Variants in EPB41L2 observed in about 807,000 individuals in gnomAD.
EPB41L2 encodes the protein band 4.1-like protein 2.
EPB41L2 carries 43 observed loss-of-function variants against 113.0 expected under a neutral mutation model. That is an observed-to-expected ratio of 0.38 (90% confidence interval 0.30 to 0.49). The LOEUF (loss-of-function observed/expected upper bound fraction) is 0.49, where lower values mean the gene tolerates loss of function less well. EPB41L2 is among the 20% of genes least tolerant of loss of function. The pLI, the probability that EPB41L2 is intolerant of heterozygous loss-of-function variation, is 0.95. For synonymous variants in EPB41L2, 442 were observed against 436.7 expected (o/e 1.01, Z -0.15); for missense variants, 1,147 against 1,223.4 (o/e 0.94, Z 0.93).
Position 131,025,434 on chromosome 6 carries a change from C to T in EPB41L2, c.-15+37721G>A, listed in dbSNP as rs934336997. 5.9e-5 allele frequency among the ~76,000 whole-genome samples: 9 copies of T among 152,196 alleles called. No homozygotes were observed. The South Asian group carries it at 8.3e-4, about 14-fold the overall frequency. ...AACAGATTTGATCGAGATCAGACAGCGATTATTTCATATTACACTGCCCAA... is the reference window on the plus strand; with the variant it reads ...AACAGATTTGATCGAGATCAGACAGTGATTATTTCATATTACACTGCCCAA... On this transcript the variant is annotated intron_variant, in intron 1 of 19. Coordinates refer to ENST00000337057, the MANE Select transcript of EPB41L2 (RefSeq NM_001431.4).
intron 17 of EPB41L2, among the ~76,000 whole-genome samples, chr6:130,864,547 G>C (rs1462614679): frequency 6.6e-6 from 1 of 152,184 alleles, no homozygotes; most frequent in African/African-American, 2.4e-5. Context: ...AGGCTGAGGA[G>C]ATCATCTGGC....
chr6:130,858,607 T>C (rs1191453535), intron 18 of EPB41L2, among the ~76,000 whole-genome samples: 3 of 152,238 alleles, frequency 2.0e-5, no homozygotes, highest in African/African-American at 7.2e-5. Flanking sequence ...ATTTTAAGGT[T>C]TTCTGTGTGA....
At chr6:130,939,495 C>A (rs1810042858) in intron 3 of EPB41L2, among the ~76,000 whole-genome samples, 1 of 152,052 alleles carries the variant, frequency 6.6e-6, no homozygotes, top group African/African-American at 2.4e-5. Context: ...CCTCGTGATC[C>A]GCCCACCTCG....
intron 3 of EPB41L2, among the ~76,000 whole-genome samples, chr6:130,954,050 T>TTC (rs1816450780): frequency 1.0e-5 from 1 of 95,956 alleles, no homozygotes; most frequent in African/African-American, 3.7e-5. Flanking sequence ...CTTTTTTTTT[T>TTC]TTTTTTTTTT....
chr6:130,867,212 T>C (rs544525978), intron 16 of EPB41L2, among the ~76,000 whole-genome samples: 1 of 152,320 alleles, frequency 6.6e-6, no homozygotes, highest in East Asian at 1.9e-4. Flanking sequence ...ACAAGATTGA[T>C]ACTGTCTGTC....
At chr6:131,009,787 G>A (rs1786480462) in intron 1 of EPB41L2, among the ~76,000 whole-genome samples, 1 of 151,922 alleles carries the variant, frequency 6.6e-6, no homozygotes, top group Non-Finnish European at 1.5e-5. Flanking sequence ...CTTTCAGAGA[G>A]TGCTTTTGTT....
intron 1 of EPB41L2, among the ~76,000 whole-genome samples, chr6:131,055,691 C>G (rs995556804): frequency 6.6e-6 from 1 of 152,120 alleles, no homozygotes; most frequent in African/African-American, 2.4e-5. Context: ...TGCCCTTGAG[C>G]CATTTATTCA....
intron 3 of EPB41L2, among the ~76,000 whole-genome samples, chr6:130,954,614 C>A (rs1032410930): frequency 6.6e-6 from 1 of 152,032 alleles, no homozygotes; most frequent in Admixed American, 6.6e-5. Flanking sequence ...GTACTAGATG[C>A]GTTAAAAGAT....
Position 130,869,554 on chromosome 6 carries a change from C to T in EPB41L2, c.2607+9G>A. On this transcript the variant is annotated intron_variant, in intron 15 of 19. Coordinates refer to ENST00000337057, the MANE Select transcript of EPB41L2 (RefSeq NM_001431.4). The stretch of plus-strand genomic sequence containing the variant: ...TAGAGTTTGGCTCCCACCTGGGACT[C>T]CCATTTACCTCTGAACAACAAATAA... 2.5e-6 allele frequency: 4 copies of T among 1,611,762 alleles called. No homozygotes were observed. Among genetic ancestry groups the T allele is most frequent in the Non-Finnish European group, 3.4e-6 (4 of 1,178,584 alleles).
chr6:130,885,386 A>G, intron 11 of EPB41L2, 118 bp from the exon 12 acceptor site: 1 of 881,202 alleles, frequency 1.1e-6, no homozygotes, highest in Non-Finnish European at 1.8e-6. Flanking sequence ...AGGAACAGAG[A>G]CATTGCTTGA....
intron 4 of EPB41L2, among the ~76,000 whole-genome samples, chr6:130,923,974 C>T (rs2128547038): frequency 6.6e-6 from 1 of 152,186 alleles, no homozygotes; most frequent in East Asian, 1.9e-4. Flanking sequence ...TTAAACAATT[C>T]CTCAACTCCC....
chr6:131,059,790 C>T (rs147181673), intron 1 of EPB41L2, among the ~76,000 whole-genome samples: 19 of 152,198 alleles, frequency 1.2e-4, no homozygotes, highest in South Asian at 4.1e-4. Flanking sequence ...TTGCTGACTA[C>T]GAAAGCCAGC....
chr6:130,881,831 C>T (rs760838332), intron 12 of EPB41L2: 15 of 151,908 alleles, frequency 9.9e-5, no homozygotes, highest in Non-Finnish European at 2.1e-4. Context: ...CAGAATAGTA[C>T]CTTCCTTATA....
At position 130,843,678 on chromosome 6, in the gene EPB41L2, T is replaced by C. The variant is rs181478346; in HGVS notation, c.*6-3080A>G. On this transcript the variant is annotated intron_variant, in intron 19 of 19. Transcript: ENST00000337057. The stretch of plus-strand genomic sequence containing the variant: ...CTGTTCTGTTTCCAAGTGTCACTGT[T>C]CCACCCTGGCCTATACAATGTCAGT... Among the ~76,000 whole-genome samples the C allele has an allele frequency of 2.2e-3, 331 of 152,344 alleles. 2 individuals are homozygous for C. Among genetic ancestry groups the C allele is most frequent in the Admixed American group, 5.6e-3 (86 of 15,306 alleles).
chr6:131,020,801 T>C (rs1358302645), intron 1 of EPB41L2, among the ~76,000 whole-genome samples: 5 of 146,862 alleles, frequency 3.4e-5, no homozygotes, highest in African/African-American at 1.2e-4. Context: ...CAATTTTTTG[T>C]TGTTAAGAGA....
At chr6:130,940,505 G>A (rs898707418) in intron 3 of EPB41L2, among the ~76,000 whole-genome samples, 3 of 147,644 alleles carry the variant, frequency 2.0e-5, no homozygotes, top group East Asian at 2.0e-4. Flanking sequence ...TCACTCTGTC[G>A]CCCAGGCTGC....
rs116053754 is a variant in EPB41L2, at chr6:131,013,904, T to C, written c.-15+49251A>G. On this transcript the variant is annotated intron_variant, in intron 1 of 19. Coordinates refer to ENST00000337057, the MANE Select transcript of EPB41L2 (RefSeq NM_001431.4). Reference sequence around the variant, plus strand: ...GTGTGCCACACCAACATTTGAAATTTATAGGACATTCGGAATCACAGCTGT... The same window carrying C: ...GTGTGCCACACCAACATTTGAAATTCATAGGACATTCGGAATCACAGCTGT... 1.6e-3 allele frequency among the ~76,000 whole-genome samples: 247 copies of C among 152,306 alleles called. 2 individuals carry two copies. The highest frequency in any genetic ancestry group is 5.6e-3 in the African/African-American group (231 of 41,578).
At chr6:130,912,856 G>A (rs1386619395) in intron 4 of EPB41L2, among the ~76,000 whole-genome samples, 1 of 151,996 alleles carries the variant, frequency 6.6e-6, no homozygotes, top group African/African-American at 2.4e-5. Context: ...AACAACCATA[G>A]CAAGAAAAAC....
At chr6:131,047,379 A>G (rs1014972909) in intron 1 of EPB41L2, among the ~76,000 whole-genome samples, 1 of 152,358 alleles carries the variant, frequency 6.6e-6, no homozygotes, top group South Asian at 2.1e-4. Flanking sequence ...AAGTGCCTAT[A>G]GAACAGTGTC....
Sources: gnomAD v4.1 joint callset for allele counts (sites outside exome capture counted in the v4.1 genomes callset) on GRCh38, gnomAD v4.1.1 for gene constraint, MANE v1.5 for transcripts, NCBI Gene and HGNC (gene_info 2026-07-23, HGNC 2026-07-21) for gene names.